GATB: variants seen among roughly 807,000 people sequenced by gnomAD.
The protein encoded by GATB is glutamyl-tRNA amidotransferase subunit B, also known as glutamyl-tRNA(Gln) amidotransferase subunit B, mitochondrial.
GATB carries 39 observed loss-of-function variants against 62.3 expected under a neutral mutation model. That is an observed-to-expected ratio of 0.63 (90% CI 0.48 to 0.82). GATB has a LOEUF of 0.82. Ranked by LOEUF, GATB falls within the 40% of genes least tolerant of loss-of-function variation. The pLI, the probability that GATB is intolerant of heterozygous loss-of-function variation, is 0.00. For synonymous variants in GATB, 276 were observed against 258.9 expected, an observed-to-expected ratio of 1.07 and a Z score of -0.63; for missense variants, 670 against 684.0, an observed-to-expected ratio of 0.98 and a Z score of 0.23.
At chr4:151,695,305 C>T (rs1278998279) in intron 9 of GATB, among the ~76,000 whole-genome samples, 1 of 152,112 alleles carries the variant, frequency 6.6e-6, no homozygotes, top group Non-Finnish European at 1.5e-5. Flanking sequence ...AGTGAGTCAT[C>T]GCCCCCTCTT....
chr4:151,672,264 C>T (rs1037601300), intron 12 of GATB, among the ~76,000 whole-genome samples: 10 of 152,188 alleles, frequency 6.6e-5, no homozygotes, highest in Non-Finnish European at 1.0e-4. Context: ...CAGTCATGCT[C>T]CTGTCAGGGA....
chr4:151,722,528 G>C (rs1739051774), intron 2 of GATB: 1 of 340,098 alleles, frequency 2.9e-6, no homozygotes, highest in South Asian at 4.2e-5. Context: ...CACCTCTGCT[G>C]TAGTTCCTCT....
At chr4:151,747,765 G>A (rs757435811) in intron 2 of GATB, among the ~76,000 whole-genome samples, 3 of 152,172 alleles carry the variant, frequency 2.0e-5, no homozygotes, top group Non-Finnish European at 2.9e-5. Context: ...GGAAATAAAT[G>A]TCAAGTTGGA....
intron 2 of GATB, among the ~76,000 whole-genome samples, chr4:151,742,382 C>T (rs1301367339): frequency 3.3e-5 from 5 of 152,332 alleles, no homozygotes; most frequent in Non-Finnish European, 5.9e-5. Context: ...GCCACCGCAC[C>T]CGGCTGGGAG....
At chr4:151,700,515 T>C (rs914466610) in intron 9 of GATB, among the ~76,000 whole-genome samples, 2 of 152,136 alleles carry the variant, frequency 1.3e-5, no homozygotes, top group Non-Finnish European at 2.9e-5. Flanking sequence ...TACTCCAGCA[T>C]CCCAATGTAG....
chr4:151,686,308 A>C (rs1738243939), intron 10 of GATB, among the ~76,000 whole-genome samples: 1 of 152,160 alleles, frequency 6.6e-6, no homozygotes, highest in South Asian at 2.1e-4. Flanking sequence ...CGAGTCGGGA[A>C]GGGAACTAAC....
chr4:151,745,055 G>A (rs574045485), intron 2 of GATB, among the ~76,000 whole-genome samples: 8 of 152,296 alleles, frequency 5.3e-5, no homozygotes, highest in African/African-American at 1.9e-4. Context: ...AGAGTGACTG[G>A]CAAGAAGCAA....
intron 6 of GATB, among the ~76,000 whole-genome samples, chr4:151,706,416 C>T (rs1738716571): frequency 6.8e-6 from 1 of 146,226 alleles, no homozygotes; most frequent in Non-Finnish European, 1.5e-5. Flanking sequence ...TAACGGGTCC[C>T]AGCCCACTAC....
intron 2 of GATB, among the ~76,000 whole-genome samples, chr4:151,755,806 G>T (rs1248738729): frequency 6.6e-6 from 1 of 151,970 alleles, no homozygotes; most frequent in Admixed American, 6.6e-5. Flanking sequence ...ATTTTCCCTT[G>T]TTGGTTTATT....
chr4:151,683,307 C>A (rs1738180769), intron 10 of GATB, among the ~76,000 whole-genome samples: 1 of 152,214 alleles, frequency 6.6e-6, no homozygotes, highest in African/African-American at 2.4e-5. Flanking sequence ...AATCAACCCC[C>A]TTGCTTGTGG....
chr4:151,757,410 G>A (rs1201951622), intron 2 of GATB, among the ~76,000 whole-genome samples: 1 of 151,490 alleles, frequency 6.6e-6, no homozygotes, highest in Non-Finnish European at 1.5e-5. Context: ...TTTGGTCAGT[G>A]ACTGAGAAAA....
At chr4:151,739,000 C>T (rs989854525) in intron 2 of GATB, among the ~76,000 whole-genome samples, 2 of 152,152 alleles carry the variant, frequency 1.3e-5, no homozygotes, top group Admixed American at 6.5e-5. Flanking sequence ...ATTGGGATGG[C>T]CTATGAGTTG....
At chr4:151,727,122 T>C (rs1448508098) in intron 2 of GATB, among the ~76,000 whole-genome samples, 1 of 152,206 alleles carries the variant, frequency 6.6e-6, no homozygotes, top group Non-Finnish European at 1.5e-5. Flanking sequence ...GGTCTTGCTA[T>C]GTTGCCCAGG....
At chr4:151,708,203 TGTTTA>T in intron 5 of GATB, 102 bp from the exon 6 acceptor site, 1 of 751,632 alleles carries the variant, frequency 1.3e-6, no homozygotes, top group Non-Finnish European at 2.3e-6. Flanking sequence ...CTCTACCTGC[TGTTTA>T]GTTATAGCAG....
chr4:151,689,258 CAA>C, intron 9 of GATB, among the ~76,000 whole-genome samples: 1 of 152,288 alleles, frequency 6.6e-6, no homozygotes, highest in South Asian at 2.1e-4. Flanking sequence ...TCTGAAAAAT[CAA>C]AAGTGGATCA....
At chr4:151,684,878 A>C (rs1357149200) in intron 10 of GATB, among the ~76,000 whole-genome samples, 5 of 152,186 alleles carry the variant, frequency 3.3e-5, no homozygotes. Context: ...TCAACAGGCT[A>C]ATTTATCTCT....
At chr4:151,716,247 A>T in intron 4 of GATB, 116 bp from the exon 5 acceptor site, 2 of 1,004,370 alleles carry the variant, frequency 2.0e-6, no homozygotes, top group Non-Finnish European at 1.4e-6. Flanking sequence ...GAGTGGTTCT[A>T]GCCTCTCAAT....
chr4:151,683,595 C>T (rs1295378352), intron 10 of GATB, among the ~76,000 whole-genome samples: 1 of 152,186 alleles, frequency 6.6e-6, no homozygotes, highest in Admixed American at 6.5e-5. Flanking sequence ...TGAGAGGCCC[C>T]GTTCACACCT....
intron 2 of GATB, among the ~76,000 whole-genome samples, chr4:151,734,590 A>G (rs1029332648): frequency 6.6e-6 from 1 of 152,070 alleles, no homozygotes; most frequent in Non-Finnish European, 1.5e-5. Context: ...AGTTAGAAAA[A>G]TTCATATGGA....
Sources: allele counts gnomAD v4.1 joint callset (sites outside exome capture counted in the v4.1 genomes callset), GRCh38; gene constraint gnomAD v4.1.1; transcripts MANE v1.5; gene names NCBI Gene and HGNC (gene_info 2026-07-23, HGNC 2026-07-21).